SLC39A11: variants seen among roughly 807,000 people sequenced by gnomAD.
The protein encoded by SLC39A11 is solute carrier family 39 member 11, also known as zinc transporter ZIP11.
SLC39A11 carries 33 observed loss-of-function variants against 36.1 expected under a neutral mutation model. That is an observed-to-expected ratio of 0.91 (90% confidence interval 0.69 to 1.22). SLC39A11 has a LOEUF of 1.22. SLC39A11 is among the 50% of genes most tolerant of loss of function. The pLI is 0.00. For missense variants in SLC39A11, 432 were observed against 430.3 expected, an observed-to-expected ratio of 1.00 and a Z score of -0.03; for synonymous variants, 166 against 170.3, an observed-to-expected ratio of 0.97 and a Z score of 0.20.
rs1051490836 is a variant in SLC39A11, at chr17:72,727,670, A to G, written c.671+8980T>C. ...CCGTCTCAAAAAAAAAAAAAAAAAA[A>G]AAGAAAGAAGCAAGCTGTGTTTCCC... is the stretch of plus-strand genomic sequence containing the variant. On this transcript the variant is annotated intron_variant, in intron 7 of 9. Transcript: ENST00000255559. Among the ~76,000 whole-genome samples the G allele has an allele frequency of 3.3e-5, 5 of 149,550 alleles. No individual in the cohort carries two copies. In the East Asian group the frequency reaches 7.7e-4, roughly 23 times the overall value.
At chr17:72,972,195 T>G (rs4969041) in intron 4 of SLC39A11, among the ~76,000 whole-genome samples, 124,610 of 151,974 alleles carry the variant, frequency 0.82, 52,678 homozygotes, top group Middle Eastern at 0.93. Context: ...CACGTTATAG[T>G]TATTGGTGTT....
intron 6 of SLC39A11, among the ~76,000 whole-genome samples, chr17:72,790,509 A>T (rs1237546724): frequency 6.6e-6 from 1 of 152,024 alleles, no homozygotes; most frequent in Non-Finnish European, 1.5e-5. Context: ...TCTTTCAAAG[A>T]AAACAATGAA....
intron 4 of SLC39A11, among the ~76,000 whole-genome samples, chr17:72,984,818 T>G (rs571217737): frequency 6.6e-6 from 1 of 152,366 alleles, no homozygotes; most frequent in East Asian, 1.9e-4. Flanking sequence ...GGAAGCAGAA[T>G]GTTAAATGAA....
intron 5 of SLC39A11, among the ~76,000 whole-genome samples, chr17:72,918,430 A>G (rs1239958738): frequency 6.6e-6 from 1 of 152,122 alleles, no homozygotes; most frequent in Non-Finnish European, 1.5e-5. Context: ...AAAAGAAAAG[A>G]GCACTGAACT....
intron 3 of SLC39A11, among the ~76,000 whole-genome samples, chr17:73,070,500 C>T (rs1359419286): frequency 1.3e-5 from 2 of 152,116 alleles, no homozygotes; most frequent in Non-Finnish European, 2.9e-5. Context: ...TTACATGGAG[C>T]CTTTGAAGGG....
chr17:72,715,039 C>A (rs547719416), intron 7 of SLC39A11, among the ~76,000 whole-genome samples: 23 of 152,292 alleles, frequency 1.5e-4, no homozygotes, highest in African/African-American at 5.1e-4. Flanking sequence ...TCTATTCTCA[C>A]TCAGGGCCAA....
At chr17:72,806,379 G>T (rs1453870834) in intron 6 of SLC39A11, among the ~76,000 whole-genome samples, 1 of 152,138 alleles carries the variant, frequency 6.6e-6, no homozygotes, top group Non-Finnish European at 1.5e-5. Flanking sequence ...GAAATTAAAA[G>T]CCTTGTTTAT....
At chr17:72,922,979 AAAAAAAAAAAAC>A (rs1193052244) in intron 5 of SLC39A11, among the ~76,000 whole-genome samples, 46 of 138,006 alleles carry the variant, frequency 3.3e-4, no homozygotes, top group Non-Finnish European at 6.2e-4. Context: ...AAAAAAAAAA[AAAAAAAAAAAAC>A]ACACAGAAAA....
intron 5 of SLC39A11, among the ~76,000 whole-genome samples, chr17:72,911,305 T>A (rs1216660922): frequency 6.6e-6 from 1 of 151,910 alleles, no homozygotes; most frequent in African/African-American, 2.4e-5. Context: ...TTAGGAGATA[T>A]ACCTAATGTT....
At chr17:72,663,082 A>G (rs760381210) in intron 7 of SLC39A11, among the ~76,000 whole-genome samples, 7 of 152,218 alleles carry the variant, frequency 4.6e-5, no homozygotes, top group African/African-American at 1.7e-4. Context: ...ACTAGACACA[A>G]AATAGTAAGT....
intron 5 of SLC39A11, among the ~76,000 whole-genome samples, chr17:72,914,105 A>G (rs2147152107): frequency 6.6e-6 from 1 of 152,108 alleles, no homozygotes; most frequent in East Asian, 1.9e-4. Context: ...ACCTGAGATC[A>G]GGAGATCAAG....
At chr17:72,785,436 G>A (rs2076477021) in intron 6 of SLC39A11, among the ~76,000 whole-genome samples, 1 of 152,210 alleles carries the variant, frequency 6.6e-6, no homozygotes, top group Admixed American at 6.5e-5. Flanking sequence ...ATTGAGGAAA[G>A]GTGGTGAGGG....
chr17:73,050,046 G>A (rs149622023), intron 3 of SLC39A11, among the ~76,000 whole-genome samples: 4,489 of 152,122 alleles, frequency 0.03, 191 homozygotes, highest in African/African-American at 0.097. Context: ...ACTTGAACCC[G>A]GGAAGAAGAG....
chr17:72,663,621 C>G (rs963643911), intron 7 of SLC39A11, among the ~76,000 whole-genome samples: 2 of 152,134 alleles, frequency 1.3e-5, no homozygotes, highest in African/African-American at 4.8e-5. Flanking sequence ...AGAAGAGGAT[C>G]GCCTGGGGGT....
chr17:72,670,505 T>A (rs1050981176), intron 7 of SLC39A11, among the ~76,000 whole-genome samples: 1 of 152,250 alleles, frequency 6.6e-6, no homozygotes, highest in Admixed American at 6.5e-5. Context: ...CCTCCCTTCC[T>A]TCTACATTTA....
At chr17:72,748,215 G>A (rs1225017870) in intron 6 of SLC39A11, among the ~76,000 whole-genome samples, 1 of 152,056 alleles carries the variant, frequency 6.6e-6, no homozygotes, top group Non-Finnish European at 1.5e-5. Flanking sequence ...CCAGCTACTT[G>A]GGAGGGTTAG....
chr17:72,895,622 T>TA (rs1365053959), intron 5 of SLC39A11, among the ~76,000 whole-genome samples: 1 of 151,892 alleles, frequency 6.6e-6, no homozygotes, highest in East Asian at 1.9e-4. Context: ...GAAGACCCTC[T>TA]AAACATGCTG....
chr17:72,967,311 T>C (rs1375181974), intron 4 of SLC39A11, among the ~76,000 whole-genome samples: 1 of 150,934 alleles, frequency 6.6e-6, no homozygotes, highest in Non-Finnish European at 1.5e-5. Flanking sequence ...AGTGAGATAT[T>C]ATACCTTTTT....
At chr17:72,842,770 G>A (rs1214034514) in intron 6 of SLC39A11, among the ~76,000 whole-genome samples, 3 of 152,198 alleles carry the variant, frequency 2.0e-5, no homozygotes, top group Admixed American at 6.5e-5. Flanking sequence ...CAGGCGCCAC[G>A]GAAGTAGCTT....
Sources: allele counts gnomAD v4.1 joint callset (sites outside exome capture counted in the v4.1 genomes callset), GRCh38; gene constraint gnomAD v4.1.1; transcripts MANE v1.5; gene names NCBI Gene and HGNC (gene_info 2026-07-23, HGNC 2026-07-21).